Variants in TMTC2 observed in about 807,000 individuals in gnomAD.
TMTC2 encodes the protein protein O-mannosyl-transferase TMTC2.
A neutral mutation model predicts 82.4 loss-of-function variants in TMTC2; 43 were observed. The ratio of observed to expected loss-of-function variants is 0.52; its 90% CI spans 0.41 to 0.67. The LOEUF (loss-of-function observed/expected upper bound fraction) is 0.67. Ranked by LOEUF, TMTC2 falls within the 30% of genes least tolerant of loss-of-function variation. TMTC2 has a pLI of 0.00. For missense variants in TMTC2, 919 were observed against 1,012.4 expected (o/e 0.91, Z 1.25); for synonymous variants, 408 against 381.9 (o/e 1.07, Z -0.80).
chr12:82,974,457 CAT>C (rs1403762663), intron 7 of TMTC2, among the ~76,000 whole-genome samples: 1 of 152,086 alleles, frequency 6.6e-6, no homozygotes, highest in Non-Finnish European at 1.5e-5. Context: ...ATGAAATAGA[CAT>C]AGTCATGTGG....
chr12:82,743,868 T>C (rs1481764387), intron 1 of TMTC2, among the ~76,000 whole-genome samples: 1 of 152,182 alleles, frequency 6.6e-6, no homozygotes. Context: ...ATTCCAGGGA[T>C]GTATTATATT....
In TMTC2 at chr12:82,756,672, C is replaced by T. The variant is rs77950399; in HGVS notation, c.83+69003C>T. On this transcript the variant is annotated intron_variant, in intron 1 of 11. Transcript: ENST00000321196. ...TTAGGAATGCTTTAGAAATGATCACCAACTCTGTCAAATGTGGAGGCATTT... is the reference window on the plus strand; with the variant it reads ...TTAGGAATGCTTTAGAAATGATCACTAACTCTGTCAAATGTGGAGGCATTT... 4.2e-3 allele frequency among the ~76,000 whole-genome samples: 640 copies of T among 152,244 alleles called. 4 individuals carry two copies. The highest frequency in any genetic ancestry group is 0.015 in the African/African-American group (607 of 41,556).
chr12:82,733,796 C>T (rs117000989), intron 1 of TMTC2, among the ~76,000 whole-genome samples: 2,746 of 152,194 alleles, frequency 0.018, 43 homozygotes, highest in Non-Finnish European at 0.028. Flanking sequence ...GTGTACTTCT[C>T]TATAGATTAT....
At chr12:82,715,431 G>T (rs956360907) in intron 1 of TMTC2, among the ~76,000 whole-genome samples, 2 of 152,118 alleles carry the variant, frequency 1.3e-5, no homozygotes, top group Admixed American at 6.5e-5. Flanking sequence ...ATTTTAGGGG[G>T]ATAGGAAATG....
In TMTC2 at chr12:82,989,565, C is replaced by A. The variant is rs969106510; in HGVS notation, c.2070+3519C>A. On this transcript the variant is annotated intron_variant, in intron 8 of 11. Transcript: ENST00000321196. ...GTCTAATTCATTGCCCACCTGCACC[C>A]CCCCCAAAAAAAAGTTAGAAAAGAA... Among the ~76,000 whole-genome samples, 54 of 150,880 alleles carry A rather than the reference C, an allele frequency of 3.6e-4. 1 individual carries two copies. The highest frequency in any genetic ancestry group is 3.4e-4 in the Non-Finnish European group (23 of 67,674).
chr12:83,130,572 A>C (rs763837189), intron 11 of TMTC2, among the ~76,000 whole-genome samples: 1 of 152,234 alleles, frequency 6.6e-6, no homozygotes, highest in Non-Finnish European at 1.5e-5. Flanking sequence ...AATAATGCCC[A>C]GTAGTTGAAG....
chr12:82,957,597 T>G (rs1271943093), intron 4 of TMTC2, among the ~76,000 whole-genome samples: 1 of 151,986 alleles, frequency 6.6e-6, no homozygotes, highest in South Asian at 2.1e-4. Flanking sequence ...GTTGGTTTTT[T>G]TAAAGGATAA....
At chr12:82,764,111 T>C (rs1247381432) in intron 1 of TMTC2, among the ~76,000 whole-genome samples, 1 of 152,116 alleles carries the variant, frequency 6.6e-6, no homozygotes, top group Non-Finnish European at 1.5e-5. Flanking sequence ...AAAACATGGG[T>C]AACTACACAG....
intron 1 of TMTC2, among the ~76,000 whole-genome samples, chr12:82,724,695 C>A (rs1268305285): frequency 6.6e-6 from 1 of 152,154 alleles, no homozygotes; most frequent in African/African-American, 2.4e-5. Context: ...GAAAGACTTA[C>A]AACCAGTTGT....
chr12:82,931,496 C>G, intron 4 of TMTC2, among the ~76,000 whole-genome samples: 1 of 152,144 alleles, frequency 6.6e-6, no homozygotes, highest in South Asian at 2.1e-4. Context: ...AAACTCAAAT[C>G]TCTTCTTTGT....
intron 1 of TMTC2, among the ~76,000 whole-genome samples, chr12:82,691,483 TATA>T (rs1271351060): frequency 6.6e-6 from 1 of 152,178 alleles, no homozygotes; most frequent in African/African-American, 2.4e-5. Flanking sequence ...ATTTTTTCTT[TATA>T]ATGATTTTAA....
At chr12:82,930,614 A>G in intron 4 of TMTC2, 69 bp downstream of exon 4, 1 of 923,740 alleles carries the variant, frequency 1.1e-6, no homozygotes, top group Non-Finnish European at 1.7e-6. Flanking sequence ...TATTGATTTA[A>G]CTGCTGGAAA....
intron 1 of TMTC2, among the ~76,000 whole-genome samples, chr12:82,707,093 A>G (rs922777086): frequency 6.6e-6 from 1 of 152,218 alleles, no homozygotes; most frequent in African/African-American, 2.4e-5. Context: ...AAAATACTAT[A>G]AACTAGGCAG....
At chr12:82,753,470 AT>A (rs1190989828) in intron 1 of TMTC2, among the ~76,000 whole-genome samples, 1 of 152,066 alleles carries the variant, frequency 6.6e-6, no homozygotes, top group African/African-American at 2.4e-5. Context: ...TGTTATAACA[AT>A]TTGCTTATTA....
intron 7 of TMTC2, among the ~76,000 whole-genome samples, chr12:82,967,622 C>T (rs1036870113): frequency 6.6e-6 from 1 of 151,908 alleles, no homozygotes; most frequent in Non-Finnish European, 1.5e-5. Flanking sequence ...GTTACTACAG[C>T]TGTTTGATGA....
chr12:83,081,554 A>G (rs1241114613), intron 11 of TMTC2, among the ~76,000 whole-genome samples: 1 of 152,170 alleles, frequency 6.6e-6, no homozygotes, highest in African/African-American at 2.4e-5. Flanking sequence ...TTTCTACTAT[A>G]TATGTTTATT....
At chr12:82,842,128 G>T (rs1870372472) in intron 1 of TMTC2, among the ~76,000 whole-genome samples, 1 of 152,194 alleles carries the variant, frequency 6.6e-6, no homozygotes, top group Non-Finnish European at 1.5e-5. Context: ...GGAGAACGGT[G>T]TTCAAGTCCT....
At chr12:83,072,825 T>C (rs984678813) in intron 11 of TMTC2, among the ~76,000 whole-genome samples, 4 of 152,200 alleles carry the variant, frequency 2.6e-5, no homozygotes, top group African/African-American at 7.2e-5. Context: ...CTACCCCTGC[T>C]CATTTTTTGT....
At chr12:82,866,683 A>G (rs565655289) in intron 2 of TMTC2, among the ~76,000 whole-genome samples, 2 of 152,182 alleles carry the variant, frequency 1.3e-5, no homozygotes, top group African/African-American at 4.8e-5. Context: ...AGTATTTTCA[A>G]TTCACAGAAA....
Sources: gnomAD v4.1 joint callset for allele counts (sites outside exome capture counted in the v4.1 genomes callset) on GRCh38, gnomAD v4.1.1 for gene constraint, MANE v1.5 for transcripts, NCBI Gene and HGNC (gene_info 2026-07-23, HGNC 2026-07-21) for gene names.